The following ESYT2 variants were observed in gnomAD, a reference collection of about 807,000 sequenced individuals.
ESYT2 encodes extended synaptotagmin-2.
In ESYT2, 54 loss-of-function variants were observed where a neutral mutation model predicts 107.2. The observed-to-expected ratio is 0.50, with a 90% CI of 0.40 to 0.63. The LOEUF is 0.63. ESYT2 is among the 30% of genes least tolerant of loss of function. ESYT2 has a pLI of 0.00. For synonymous variants in ESYT2, 491 were observed against 434.1 expected (o/e 1.13, Z -1.63); for missense variants, 1,020 against 1,094.5 (o/e 0.93, Z 0.96).
At chr7:158,772,035 T>C (rs1364194399) in intron 7 of ESYT2, among the ~76,000 whole-genome samples, 1 of 151,904 alleles carries the variant, frequency 6.6e-6, no homozygotes. Context: ...GCAGGGAGAA[T>C]TGCTTGAACC....
intron 17 of ESYT2, 41 bp from the exon 18 acceptor site, chr7:158,741,937 C>A (rs765164441): frequency 2.9e-5 from 44 of 1,535,726 alleles, no homozygotes; most frequent in Non-Finnish European, 3.7e-5. Flanking sequence ...CTTGGTGACA[C>A]TGGTAACATC....
At chr7:158,816,756 AC>A (rs1406560364) in intron 1 of ESYT2, among the ~76,000 whole-genome samples, 1 of 152,172 alleles carries the variant, frequency 6.6e-6, no homozygotes, top group Non-Finnish European at 1.5e-5. Flanking sequence ...CACACACAGC[AC>A]CATTTGTGAT....
Position 158,733,411 on chromosome 7 carries a change from A to G in ESYT2, c.*796T>C, listed in dbSNP as rs778401456. On this transcript the variant is annotated 3_prime_UTR_variant, in exon 23 of 23. Transcript: ENST00000275418. ...TTGAGGAAAAGTACAAGGTGTCTGT[A>G]TACTGTTTCATGAGTAAGTTACAAC... 3.3e-5 allele frequency: 5 copies of G among 152,236 alleles called. No homozygotes were observed. The highest frequency in any genetic ancestry group is 5.9e-5 in the Non-Finnish European group (4 of 68,036). 9.4% of individuals were successfully genotyped at this position (152,236 alleles called of 1,614,324 possible).
At chr7:158,796,186 C>T (rs1375201395) in intron 3 of ESYT2, among the ~76,000 whole-genome samples, 2 of 152,176 alleles carry the variant, frequency 1.3e-5, no homozygotes, top group African/African-American at 4.8e-5. Context: ...TGTGTGTTTA[C>T]AAGAACTATC....
intron 3 of ESYT2, among the ~76,000 whole-genome samples, chr7:158,797,425 T>C (rs2444567): frequency 0.78 from 119,144 of 151,960 alleles, 48,145 homozygotes; most frequent in Non-Finnish European, 0.89. Flanking sequence ...AGCCACTGCT[T>C]CCAGCTGAAG....
chr7:158,806,909 G>T (rs888641676), intron 1 of ESYT2, among the ~76,000 whole-genome samples: 3 of 152,066 alleles, frequency 2.0e-5, no homozygotes, highest in African/African-American at 7.2e-5. Context: ...GACTGGAATG[G>T]ATTAAAAGAT....
At chr7:158,759,964 T>TA (rs1837902152) in intron 12 of ESYT2, 94 bp downstream of exon 12, 3 of 1,124,520 alleles carry the variant, frequency 2.7e-6, no homozygotes, top group Non-Finnish European at 2.7e-6. Flanking sequence ...CTATAATTGT[T>TA]AAAAAATCAA....
chr7:158,768,637 C>T (rs754107521), intron 7 of ESYT2, among the ~76,000 whole-genome samples: 2 of 152,196 alleles, frequency 1.3e-5, no homozygotes, highest in African/African-American at 2.4e-5. Flanking sequence ...AGGCTGGTCT[C>T]GAACTCTTGA....
chr7:158,780,603 G>C (rs1055223821), intron 6 of ESYT2, among the ~76,000 whole-genome samples: 1 of 152,212 alleles, frequency 6.6e-6, no homozygotes, highest in African/African-American at 2.4e-5. Flanking sequence ...ACAAAACAAG[G>C]AAGTTTTAGT....
At chr7:158,813,615 T>C (rs933782565) in intron 1 of ESYT2, among the ~76,000 whole-genome samples, 3 of 152,224 alleles carry the variant, frequency 2.0e-5, no homozygotes, top group Non-Finnish European at 4.4e-5. Flanking sequence ...AGAAAATCCA[T>C]TGCTAGTAGA....
intron 4 of ESYT2, 81 bp downstream of exon 4, chr7:158,793,569 T>C (rs1397735994): frequency 3.0e-6 from 3 of 1,016,654 alleles, no homozygotes; most frequent in Admixed American, 2.0e-5. Context: ...GTGTGCTCAC[T>C]GTATCCTCCA....
At chr7:158,816,276 G>C (rs1027660738) in intron 1 of ESYT2, among the ~76,000 whole-genome samples, 1 of 152,182 alleles carries the variant, frequency 6.6e-6, no homozygotes, top group Non-Finnish European at 1.5e-5. Context: ...CTTGAGTCCA[G>C]GAGGTCGAGA....
chr7:158,817,525 T>C (rs1388628750), intron 1 of ESYT2, among the ~76,000 whole-genome samples: 2 of 152,374 alleles, frequency 1.3e-5, no homozygotes, highest in East Asian at 3.9e-4. Flanking sequence ...GTCCCACCTT[T>C]CTGAACCAAT....
At chr7:158,772,894 T>A (rs1336766335) in intron 7 of ESYT2, among the ~76,000 whole-genome samples, 19 of 142,008 alleles carry the variant, frequency 1.3e-4, no homozygotes, top group South Asian at 2.2e-4. Context: ...GAATAAAAGT[T>A]AAAAAAAAAA....
chr7:158,828,486 C>T (rs2129474538), intron 1 of ESYT2, among the ~76,000 whole-genome samples: 1 of 152,342 alleles, frequency 6.6e-6, no homozygotes, highest in South Asian at 2.1e-4. Flanking sequence ...AAGCCCGGTA[C>T]CTGCCGCTGG....
chr7:158,760,035 A>C (rs761174528), intron 12 of ESYT2, 23 bp downstream of exon 12: 27 of 1,612,848 alleles, frequency 1.7e-5, no homozygotes, highest in Non-Finnish European at 2.3e-5. Context: ...GGTAGTTTTC[A>C]AGAGCACATG....
chr7:158,754,356 A>G (rs1247976916), intron 13 of ESYT2, among the ~76,000 whole-genome samples: 1 of 151,518 alleles, frequency 6.6e-6, no homozygotes, highest in African/African-American at 2.4e-5. Flanking sequence ...ACAGGCATGC[A>G]CCACCACACC....
intron 3 of ESYT2, among the ~76,000 whole-genome samples, chr7:158,796,526 T>C (rs569722777): frequency 7.8e-4 from 119 of 152,330 alleles, no homozygotes; most frequent in African/African-American, 2.8e-3. Context: ...AATTCACATA[T>C]CAAACTCGCT....
At chr7:158,751,077 CTT>C (rs140546791) in intron 14 of ESYT2, among the ~76,000 whole-genome samples, 70 of 152,182 alleles carry the variant, frequency 4.6e-4, no homozygotes, top group Non-Finnish European at 8.1e-4. Flanking sequence ...AAAACATATA[CTT>C]TTTTTTCCCC....
Sources: allele counts gnomAD v4.1 joint callset (sites outside exome capture counted in the v4.1 genomes callset), GRCh38; gene constraint gnomAD v4.1.1; transcripts MANE v1.5; gene names NCBI Gene and HGNC (gene_info 2026-07-23, HGNC 2026-07-21).